COL6A6: variants seen among roughly 807,000 people sequenced by gnomAD.
The protein encoded by COL6A6 is collagen type VI alpha 6 chain, also known as collagen alpha-6(VI) chain.
In COL6A6, 183 loss-of-function variants were observed where a neutral mutation model predicts 208.6. The observed-to-expected ratio is 0.88, with a 90% confidence interval of 0.78 to 0.99. COL6A6 has a LOEUF of 0.99. Among genes scored for constraint, COL6A6 ranks in the 50% least tolerant of loss-of-function variants. The pLI is 0.00. For missense variants in COL6A6, 2,816 were observed against 2,815.2 expected, an observed-to-expected ratio of 1.00 and a Z score of -0.01; for synonymous variants, 973 against 1,011.8, an observed-to-expected ratio of 0.96 and a Z score of 0.73.
At chr3:130,596,173 C>T (rs2063846071) in intron 18 of COL6A6, among the ~76,000 whole-genome samples, 1 of 152,182 alleles carries the variant, frequency 6.6e-6, no homozygotes, top group African/African-American at 2.4e-5. Context: ...GACTAAGTGA[C>T]ATCTTCTGAT....
rs532845070 is a variant in COL6A6 at position 130,651,116 on chromosome 3, C to T, written c.5733+1554C>T. Among the ~76,000 whole-genome samples the T allele has an allele frequency of 3.3e-5, 5 of 152,272 alleles. No individual in the cohort carries two copies. In the South Asian group the frequency reaches 6.2e-4, roughly 19 times the overall value. On this transcript the variant is annotated intron_variant, in intron 33 of 36. Transcript: ENST00000358511. ...ATGCAACACTGCATTAGTGCCAGTA[C>T]GTAGTGAGCAATCAAGAATGACAGC... is the stretch of plus-strand genomic sequence containing the variant.
chr3:130,658,055 G>A (rs1283307618), intron 33 of COL6A6, among the ~76,000 whole-genome samples: 1 of 152,182 alleles, frequency 6.6e-6, no homozygotes, highest in Non-Finnish European at 1.5e-5. Flanking sequence ...AGGGTTGGGA[G>A]TTGTTCAGAG....
At chr3:130,613,213 G>A (rs1576330910) in intron 23 of COL6A6, among the ~76,000 whole-genome samples, 2 of 152,334 alleles carry the variant, frequency 1.3e-5, no homozygotes, top group African/African-American at 2.4e-5. Flanking sequence ...AAGGGGCCCA[G>A]TTTCAATCTT....
At chr3:130,561,086 C>T (rs1451778404) in intron 2 of COL6A6, among the ~76,000 whole-genome samples, 1 of 152,230 alleles carries the variant, frequency 6.6e-6, no homozygotes, top group Non-Finnish European at 1.5e-5. Flanking sequence ...ATCTCTAAGC[C>T]TTGAGCTTCT....
In COL6A6 at chr3:130,564,974, G is replaced by T; in HGVS notation, c.662-20G>T. ...TGAACCACCAGCTAAAATTGTGCTTGTTTATTTCTTGCCACACAGCTTGCC... is the reference window on the plus strand; with the variant it reads ...TGAACCACCAGCTAAAATTGTGCTTTTTTATTTCTTGCCACACAGCTTGCC... On this transcript the variant is annotated intron_variant, in intron 3 of 36. Transcript: ENST00000358511. 6.2e-7 allele frequency: 1 copy of T among 1,605,974 alleles called. No individual in the cohort carries two copies. Among genetic ancestry groups the T allele is most frequent in the East Asian group, 2.2e-5 (1 of 44,822 alleles).
At chr3:130,636,476 C>G (rs1478943466) in intron 28 of COL6A6, among the ~76,000 whole-genome samples, 2 of 152,152 alleles carry the variant, frequency 1.3e-5, no homozygotes, top group Non-Finnish European at 2.9e-5. Context: ...ATAATTGTCT[C>G]TTGATACAGT....
intron 36 of COL6A6, among the ~76,000 whole-genome samples, chr3:130,670,486 G>C (rs564613971): frequency 6.6e-6 from 1 of 152,188 alleles, no homozygotes; most frequent in Non-Finnish European, 1.5e-5. Flanking sequence ...TTGGGGAGTC[G>C]GAACCTAGAG....
Position 130,675,483 on chromosome 3 carries a change from AAC to A in COL6A6, c.*88_*89del, listed in dbSNP as rs1487690450. The stretch of plus-strand genomic sequence containing the variant: ...CTAAATCTGCTGCCAGAACTCAAGC[AAC>A]AGTTTGTAGGTTATCAGGTGACTTG... On this transcript the variant is annotated 3_prime_UTR_variant, in exon 37 of 37. Coordinates refer to ENST00000358511, the MANE Select transcript of COL6A6 (RefSeq NM_001102608.3). 5 of 1,002,484 alleles carry A rather than the reference AAC, an allele frequency of 5.0e-6. No homozygotes were observed. Among genetic ancestry groups the A allele is most frequent in the Non-Finnish European group, 7.2e-6 (5 of 695,106 alleles). 62.1% of individuals were successfully genotyped at this position (1,002,484 alleles called of 1,614,324 possible). A position where few individuals can be genotyped will look rare whatever the true frequency, so the allele number is the denominator to read the frequency against.
chr3:130,534,643 G>T lies in COL6A6; in HGVS notation c.-32+17246G>T, dbSNP rs530953193. Among the ~76,000 whole-genome samples, 3 of 152,116 alleles carry T rather than the reference G, an allele frequency of 2.0e-5. 1 individual carries two copies. In the South Asian group the frequency reaches 6.2e-4, roughly 32 times the overall value. On this transcript the variant is annotated intron_variant, in intron 1 of 36. Transcript: ENST00000358511. ...GTAAATACCTAACATGAGAACTCAG[G>T]CGTATGTTTTCCTTGATGACTTCCC... is the stretch of plus-strand genomic sequence containing the variant.
rs542338626 is a variant in COL6A6 at position 130,634,701 on chromosome 3, A to G, written c.5028+76A>G. 1.9e-5 allele frequency: 20 copies of G among 1,053,976 alleles called. No homozygotes were observed. The East Asian group carries it at 4.6e-4, about 24-fold the overall frequency. The allele number at this position is 1,053,976 out of a possible 1,614,324, so 65.3% of individuals were successfully genotyped here. ...TTTATGAAATGTATCCTAGGCCAGT[A>G]GAAGAACAGTTAATGATAAATAAAT... On this transcript the variant is annotated intron_variant, in intron 27 of 36. Transcript: ENST00000358511.
intron 12 of COL6A6, among the ~76,000 whole-genome samples, chr3:130,590,282 TATATATATATATATA>T (rs2063652770): frequency 3.0e-4 from 7 of 23,078 alleles, no homozygotes; most frequent in African/African-American, 7.5e-4. Context: ...TATATATATA[TATATATATATATATA>T]TATTTTTTTT....
At chr3:130,669,438 C>A (rs1576431754) in intron 36 of COL6A6, among the ~76,000 whole-genome samples, 1 of 151,212 alleles carries the variant, frequency 6.6e-6, no homozygotes, top group African/African-American at 2.4e-5. Context: ...TTTTAAAAAC[C>A]TATACATTTT....
At chr3:130,570,371 AT>A (rs1373810077) in intron 6 of COL6A6, among the ~76,000 whole-genome samples, 28 of 152,328 alleles carry the variant, frequency 1.8e-4, no homozygotes, top group African/African-American at 6.7e-4. Context: ...ATTCATTTTC[AT>A]TTGGTCATTT....
intron 1 of COL6A6, among the ~76,000 whole-genome samples, chr3:130,549,360 G>A (rs2062592464): frequency 6.6e-6 from 1 of 152,110 alleles, no homozygotes; most frequent in African/African-American, 2.4e-5. Context: ...CTCTCACTAT[G>A]TTGCTCAGGC....
rs768574219 is a variant in COL6A6, at chr3:130,642,832, G to C, written c.5155G>C (p.Gly1719Arg). 53 of 1,613,552 alleles carry C rather than the reference G, an allele frequency of 3.3e-5. No homozygotes were observed. The highest frequency in any genetic ancestry group is 4.2e-5 in the Non-Finnish European group (50 of 1,179,732). ...AACAATGTTTTGTTTGTTTTCCTAG[G>C]GTGTGAAAGGAGCCAAAGGCTTGGC... ...PGEPGPPGRK[G>R]VKGAKGLASF... The change falls in exon 30 of 37, where the codon GGT becomes CGT. Residue 1719 changes from glycine (G) to arginine (R), a missense_variant and splice_region_variant. Coordinates refer to ENST00000358511, the MANE Select transcript of COL6A6 (RefSeq NM_001102608.3).
intron 24 of COL6A6, among the ~76,000 whole-genome samples, chr3:130,626,214 T>A (rs556950985): frequency 7.9e-5 from 12 of 152,350 alleles, no homozygotes; most frequent in African/African-American, 2.6e-4. Flanking sequence ...TTAATTTTTT[T>A]AAAACAGTAT....
intron 34 of COL6A6, among the ~76,000 whole-genome samples, chr3:130,659,732 T>C (rs1053510908): frequency 2.0e-5 from 3 of 152,226 alleles, no homozygotes; most frequent in Admixed American, 6.5e-5. Flanking sequence ...TTCTGCTCCC[T>C]AAACCTCTCC....
At chr3:130,537,968 G>C (rs2062262722) in intron 1 of COL6A6, among the ~76,000 whole-genome samples, 1 of 152,178 alleles carries the variant, frequency 6.6e-6, no homozygotes, top group Non-Finnish European at 1.5e-5. Flanking sequence ...CATTGAGAAA[G>C]AAGACAACTT....
intron 12 of COL6A6, among the ~76,000 whole-genome samples, chr3:130,590,725 A>G (rs1274768674): frequency 1.3e-5 from 2 of 151,252 alleles, no homozygotes; most frequent in Non-Finnish European, 2.9e-5. Context: ...CCGCCACCAC[A>G]CCCGGCTAAT....
Sources: gnomAD v4.1 joint callset for allele counts (sites outside exome capture counted in the v4.1 genomes callset) on GRCh38, gnomAD v4.1.1 for gene constraint, MANE v1.5 for transcripts, NCBI Gene and HGNC (gene_info 2026-07-23, HGNC 2026-07-21) for gene names.